GREB1: variants seen among roughly 807,000 people sequenced by gnomAD.
GREB1 encodes the protein protein GREB1.
Under a neutral mutation model 200.7 loss-of-function variants are expected in GREB1, and 106 were observed. The ratio of observed to expected loss-of-function variants is 0.53; its 90% confidence interval spans 0.45 to 0.62. The LOEUF is 0.62. Among genes scored for constraint, GREB1 ranks in the 20% least tolerant of loss-of-function variants. The pLI is 0.00. For synonymous variants in GREB1, 1,132 were observed against 1,092.4 expected, an observed-to-expected ratio of 1.04 and a Z score of -0.72; for missense variants, 2,243 against 2,556.8, an observed-to-expected ratio of 0.88 and a Z score of 2.65.
At chr2:11,581,503 G>C (rs2148076887) in intron 7 of GREB1, among the ~76,000 whole-genome samples, 1 of 152,318 alleles carries the variant, frequency 6.6e-6, no homozygotes, top group African/African-American at 2.4e-5. Flanking sequence ...AGGGAATGAG[G>C]AGGTGAGGAT....
intron 20 of GREB1, 100 bp from the exon 21 acceptor site, chr2:11,616,531 G>A (rs1683420025): frequency 1.3e-6 from 1 of 766,944 alleles, no homozygotes; most frequent in African/African-American, 1.7e-5. Context: ...TGGATGGGGA[G>A]AGGTGATGCA....
intron 4 of GREB1, 78 bp from the exon 5 acceptor site, chr2:11,576,275 C>G (rs1678846621): frequency 8.3e-7 from 1 of 1,205,188 alleles, no homozygotes; most frequent in Non-Finnish European, 1.2e-6. Context: ...CCATTGCATT[C>G]CAGCCTAGAT....
chr2:11,524,402 G>A (rs1673804969), intron 1 of GREB1, among the ~76,000 whole-genome samples: 1 of 152,176 alleles, frequency 6.6e-6, no homozygotes, highest in Non-Finnish European at 1.5e-5. Context: ...TTGAGGACAG[G>A]GCCAAGAGTC....
At chr2:11,508,814 G>A (rs975841745) in intron 1 of GREB1, among the ~76,000 whole-genome samples, 3 of 150,836 alleles carry the variant, frequency 2.0e-5, no homozygotes, top group African/African-American at 7.3e-5. Context: ...CACCGTGGTT[G>A]TCTTCCGAAA....
intron 1 of GREB1, among the ~76,000 whole-genome samples, chr2:11,487,355 A>G (rs1476499409): frequency 1.3e-5 from 2 of 152,190 alleles, no homozygotes; most frequent in Admixed American, 6.5e-5. Flanking sequence ...CTGACTCTTA[A>G]CTGTCTCTGA....
chr2:11,559,284 C>T (rs575095577), intron 2 of GREB1, among the ~76,000 whole-genome samples: 2 of 152,336 alleles, frequency 1.3e-5, no homozygotes, highest in South Asian at 2.1e-4. Flanking sequence ...TGGGTAAACA[C>T]GGCTGGTTTA....
At chr2:11,555,783 A>G (rs927274660) in intron 1 of GREB1, among the ~76,000 whole-genome samples, 2 of 152,192 alleles carry the variant, frequency 1.3e-5, no homozygotes, top group African/African-American at 4.8e-5. Flanking sequence ...TGATGAAAGC[A>G]TTCTAAAATT....
intron 9 of GREB1, chr2:11,587,571 C>T (rs565312279): frequency 1.5e-5 from 22 of 1,511,344 alleles, no homozygotes; most frequent in South Asian, 6.1e-5. Flanking sequence ...TCTTTGAGAA[C>T]GTGACCTGTG....
At chr2:11,610,520 T>C (rs549631076) in intron 17 of GREB1, among the ~76,000 whole-genome samples, 168 bp from the exon 18 acceptor site, 1 of 152,372 alleles carries the variant, frequency 6.6e-6, no homozygotes, top group South Asian at 2.1e-4. Context: ...ATTTGATTTC[T>C]AAAGAAGGCT....
chr2:11,629,873 C>G lies in GREB1; in HGVS notation c.4450-75C>G. 6.9e-7 allele frequency: 1 copy of G among 1,446,386 alleles called. No individual in the cohort carries two copies. The highest frequency in any genetic ancestry group is 1.4e-5 in the African/African-American group (1 of 71,902). 89.6% of individuals were successfully genotyped at this position (1,446,386 alleles called of 1,614,324 possible). A position where few individuals can be genotyped will look rare whatever the true frequency, so the allele number is the denominator to read the frequency against. ...GACTGTGAGCTGCACGTTGTCACAG[C>G]AGAGTGGGCCTGGGGTCTTCTGGGA... On this transcript the variant is annotated intron_variant, in intron 25 of 32. Coordinates refer to ENST00000381486, the MANE Select transcript of GREB1 (RefSeq NM_014668.4). This position sits in a 1 kb window ranked among gnomAD's most constrained non-coding sequence, Gnocchi z 5.2.
chr2:11,544,217 G>A (rs575928249), intron 1 of GREB1, among the ~76,000 whole-genome samples: 25 of 152,004 alleles, frequency 1.6e-4, no homozygotes, highest in Non-Finnish European at 1.9e-4. Context: ...TTATTTATTT[G>A]TTTGTTTGTT....
rs1448470521 is a variant in GREB1 at position 11,585,202 on chromosome 2, G to T, written c.943G>T (p.Gly315Trp). 1 of 1,586,404 alleles carries T rather than the reference G, an allele frequency of 6.3e-7. No individual in the cohort carries two copies. Among genetic ancestry groups the T allele is most frequent in the Non-Finnish European group, 8.6e-7 (1 of 1,169,104 alleles). The stretch of plus-strand genomic sequence containing the variant: ...CGGGCCCCCCAAAAAACGCCACAAA[G>T]GGTGGTCTCCAGAATCTCCATCAGC... The part of the protein sequence containing the change: ...NSGPPKKRHK[G>W]WSPESPSAPD... Residue 315 changes from glycine to tryptophan, a missense_variant, in exon 8 of 33, where the codon GGG (glycine) becomes TGG (tryptophan). Physicochemically the swap from Gly to Trp is radical, Grantham distance 184 (BLOSUM62 -2). Coordinates refer to ENST00000381486, the MANE Select transcript of GREB1 (RefSeq NM_014668.4).
intron 1 of GREB1, among the ~76,000 whole-genome samples, chr2:11,526,998 A>C (rs1056440691): frequency 6.6e-6 from 1 of 152,034 alleles, no homozygotes; most frequent in African/African-American, 2.4e-5. Context: ...TTTTTCACAC[A>C]TGCCTCATCC....
chr2:11,618,437 G>A lies in GREB1; in HGVS notation c.3562G>A (p.Ala1188Thr). The change falls in exon 22 of 33, where the codon GCC becomes ACC. Residue 1188 changes from alanine to threonine, a missense_variant. Ala to Thr is a moderately conservative substitution (Grantham distance 58). Coordinates refer to ENST00000381486, the MANE Select transcript of GREB1 (RefSeq NM_014668.4). Reference sequence around the variant, plus strand: ...CCGGGCAAGTCAGGGGCCACCCTCGGCCATCAGCAGGCACAGTCCCGGGCC... The same window carrying A: ...CCGGGCAAGTCAGGGGCCACCCTCGACCATCAGCAGGCACAGTCCCGGGCC... ...RPRASQGPPS[A>T]ISRHSPGPTP... 1 of 1,606,198 alleles carries A rather than the reference G, an allele frequency of 6.2e-7. No homozygotes were observed. Among genetic ancestry groups the A allele is most frequent in the Non-Finnish European group, 8.5e-7 (1 of 1,177,010 alleles).
Position 11,552,740 on chromosome 2 carries a change from G to C in GREB1, c.-161-3714G>C, listed in dbSNP as rs190425276. Among the ~76,000 whole-genome samples, 805 of 151,974 alleles carry C rather than the reference G, an allele frequency of 5.3e-3. 7 individuals are homozygous for C. Among genetic ancestry groups the C allele is most frequent in the African/African-American group, 0.016 (670 of 41,432 alleles). On this transcript the variant is annotated intron_variant, in intron 1 of 32. Coordinates refer to ENST00000381486, the MANE Select transcript of GREB1 (RefSeq NM_014668.4). ...AAAAGAGCCGCAGTTGGCCGGGCGC[G>C]GTGGCTCACGCCTGTAATCCCAGCA...
At chr2:11,553,862 G>A (rs757611016) in intron 1 of GREB1, among the ~76,000 whole-genome samples, 6 of 152,120 alleles carry the variant, frequency 3.9e-5, no homozygotes, top group Non-Finnish European at 7.4e-5. Flanking sequence ...GGGTCTGGAT[G>A]CCCCGATGTG....
At chr2:11,488,607 A>G (rs967726040) in intron 1 of GREB1, among the ~76,000 whole-genome samples, 3 of 151,956 alleles carry the variant, frequency 2.0e-5, no homozygotes, top group Non-Finnish European at 2.9e-5. Flanking sequence ...CCTGGCCAAC[A>G]TGGTGAAACT....
chr2:11,610,009 C>A (rs1226181576), intron 17 of GREB1, among the ~76,000 whole-genome samples: 2 of 152,116 alleles, frequency 1.3e-5, no homozygotes, highest in Non-Finnish European at 2.9e-5. Context: ...TCCATTGGTG[C>A]CCTGGGGTCT....
chr2:11,489,472 A>G (rs959125542), intron 1 of GREB1, among the ~76,000 whole-genome samples: 5 of 151,990 alleles, frequency 3.3e-5, no homozygotes, highest in South Asian at 2.1e-4. Flanking sequence ...GGAAAAAAAA[A>G]TAAATAAAGA....
Sources: gnomAD v4.1 joint callset for allele counts (sites outside exome capture counted in the v4.1 genomes callset) on GRCh38, gnomAD v4.1.1 for gene constraint, Gnocchi (gnomAD v3.1) non-coding constraint, MANE v1.5 for transcripts, NCBI Gene and HGNC (gene_info 2026-07-23, HGNC 2026-07-21) for gene names.